PBK: variants seen among roughly 807,000 people sequenced by gnomAD.
PBK encodes the protein lymphokine-activated killer T-cell-originated protein kinase.
In PBK, 22 loss-of-function variants were observed where a neutral mutation model predicts 33.5. That is an observed-to-expected ratio of 0.66 (90% CI 0.47 to 0.94). PBK has a LOEUF of 0.94. PBK is among the 40% of genes least tolerant of loss of function. The pLI, the probability that PBK is intolerant of heterozygous loss-of-function variation, is 0.00. For synonymous variants in PBK, 129 were observed against 123.8 expected, an observed-to-expected ratio of 1.04 and a Z score of -0.28; for missense variants, 376 against 383.4, an observed-to-expected ratio of 0.98 and a Z score of 0.16.
intron 1 of PBK, among the ~76,000 whole-genome samples, chr8:27,833,501 C>G (rs1235843117): frequency 1.4e-5 from 2 of 146,648 alleles, no homozygotes; most frequent in Non-Finnish European, 3.0e-5. Flanking sequence ...AAGAGCAAAA[C>G]TCCGTCTCAA....
chr8:27,815,835 G>A (rs1400076395), intron 6 of PBK, among the ~76,000 whole-genome samples: 2 of 152,118 alleles, frequency 1.3e-5, no homozygotes, highest in Admixed American at 6.5e-5. Flanking sequence ...AATGGATTGG[G>A]CCCCCTGCCA....
Position 27,822,348 on chromosome 8 carries a change from C to A in PBK, c.436G>T (p.Val146Phe), listed in dbSNP as rs766921897. Reference sequence around the variant, plus strand: ...AACCCTCTTGCCATATTCAAAGCAACTTTTAAAATTATGGCTGCTGGAAAA... The same window carrying A: ...AACCCTCTTGCCATATTCAAAGCAAATTTTAAAATTATGGCTGCTGGAAAA... ...DPFPAAIILK[V>F]ALNMARGLKY... Residue 146 changes from valine (V) to phenylalanine (F), a missense_variant, in exon 5 of 8, where the codon GTT (valine) becomes TTT (phenylalanine). Val to Phe is a conservative substitution (Grantham distance 50, BLOSUM62 -1). Coordinates refer to ENST00000301905, the MANE Select transcript of PBK (RefSeq NM_018492.4). 1.2e-6 allele frequency: 2 copies of A among 1,612,704 alleles called. No homozygotes were observed. The highest frequency in any genetic ancestry group is 1.7e-6 in the Non-Finnish European group (2 of 1,179,500).
rs1805943824 is a variant in PBK at position 27,822,325 on chromosome 8, C to T, written c.459G>A (p.Gly153=). 5 of 1,602,948 alleles carry T rather than the reference C, an allele frequency of 3.1e-6. No homozygotes were observed. The highest frequency in any genetic ancestry group is 2.2e-5 in the East Asian group (1 of 44,750). The change falls in exon 5 of 8, where the codon GGG becomes GGA. Residue 153 remains glycine (G), a synonymous_variant. Transcript: ENST00000301905. ...ILKVALNMAR[G]LKYLHQEKKL... is the part of the protein sequence containing the mutation. Reference sequence around the variant, plus strand: ...AATATAATGACATAGTTACCTTTAACCCTCTTGCCATATTCAAAGCAACTT... The same window carrying T: ...AATATAATGACATAGTTACCTTTAATCCTCTTGCCATATTCAAAGCAACTT...
intron 6 of PBK, among the ~76,000 whole-genome samples, chr8:27,816,722 A>C (rs1805822520): frequency 6.6e-6 from 1 of 152,034 alleles, no homozygotes; most frequent in Non-Finnish European, 1.5e-5. Flanking sequence ...TACCTGTTTA[A>C]AAAAAATTTT....
intron 5 of PBK, 37 bp downstream of exon 5, chr8:27,822,282 A>G: frequency 7.1e-7 from 1 of 1,411,710 alleles, no homozygotes; most frequent in Non-Finnish European, 9.8e-7. Flanking sequence ...AATATGAACA[A>G]AAACAGAAGT....
rs554489237 is a variant in PBK at position 27,835,098 on chromosome 8, A to G, written c.-20-1965T>C. On this transcript the variant is annotated intron_variant, in intron 1 of 7. Coordinates refer to ENST00000301905, the MANE Select transcript of PBK (RefSeq NM_018492.4). ...TACATGTCTATAAGCTCATTTGTCT[A>G]TAAAAAGTTGGGAGGCAGACAGATT... Among the ~76,000 whole-genome samples, 9 of 152,332 alleles carry G rather than the reference A, an allele frequency of 5.9e-5. No individual in the cohort carries two copies. In the East Asian group the frequency reaches 1.5e-3, roughly 26 times the overall value.
At chr8:27,827,494 C>T (rs749482377) in intron 3 of PBK, among the ~76,000 whole-genome samples, 2 of 152,122 alleles carry the variant, frequency 1.3e-5, no homozygotes, top group African/African-American at 4.8e-5. Context: ...CACTGCACTC[C>T]AGCCTGGTCA....
chr8:27,828,825 C>A (rs1449644893), intron 2 of PBK, among the ~76,000 whole-genome samples: 1 of 148,836 alleles, frequency 6.7e-6, no homozygotes, highest in Non-Finnish European at 1.5e-5. Flanking sequence ...TACTCCTGGA[C>A]AATTAACTGC....
At chr8:27,830,384 CAGA>C (rs1388591284) in intron 2 of PBK, among the ~76,000 whole-genome samples, 1 of 151,448 alleles carries the variant, frequency 6.6e-6, no homozygotes, top group Non-Finnish European at 1.5e-5. Context: ...CATCTTAGAG[CAGA>C]AGAATAACTA....
chr8:27,833,240 C>T, intron 1 of PBK, 107 bp from the exon 2 acceptor site: 1 of 561,894 alleles, frequency 1.8e-6, no homozygotes, highest in African/African-American at 1.9e-5. Context: ...GCCTGTAATC[C>T]CAGCACTTTG....
chr8:27,826,737 A>G (rs1806031305), intron 3 of PBK, among the ~76,000 whole-genome samples: 1 of 106,970 alleles, frequency 9.3e-6, no homozygotes, highest in Admixed American at 9.0e-5. Context: ...CGGAGCTTGC[A>G]GTGAGCCGAG....
intron 5 of PBK, among the ~76,000 whole-genome samples, chr8:27,820,973 A>G (rs913099331): frequency 4.0e-5 from 6 of 151,162 alleles, no homozygotes; most frequent in African/African-American, 1.5e-4. Flanking sequence ...ACAGGCGGGC[A>G]CCACCACACC....
intron 1 of PBK, among the ~76,000 whole-genome samples, chr8:27,835,924 CAA>C (rs1806219396): frequency 1.0e-3 from 1 of 980 alleles, no homozygotes; most frequent in Non-Finnish European, 2.9e-3. Flanking sequence ...TGAGCACATA[CAA>C]TGTGCTCTAA....
intron 6 of PBK, among the ~76,000 whole-genome samples, chr8:27,814,174 A>G (rs577400129): frequency 1.8e-4 from 27 of 152,254 alleles, no homozygotes; most frequent in African/African-American, 6.0e-4. Flanking sequence ...CAACAGTAAA[A>G]CATCTGGGTC....
intron 2 of PBK, among the ~76,000 whole-genome samples, chr8:27,831,456 A>T (rs1806127844): frequency 7.4e-6 from 1 of 134,398 alleles, no homozygotes; most frequent in Non-Finnish European, 1.6e-5. Context: ...GGTGGGGGGA[A>T]GCAGACAAAT....
intron 1 of PBK, among the ~76,000 whole-genome samples, chr8:27,835,599 T>A (rs1289283513): frequency 6.6e-6 from 1 of 151,888 alleles, no homozygotes; most frequent in African/African-American, 2.4e-5. Context: ...TTGCCCAGGC[T>A]GGGGTGCAAT....
chr8:27,822,345 C>T lies in PBK; in HGVS notation c.439G>A (p.Ala147Thr). 2 of 1,612,356 alleles carry T rather than the reference C, an allele frequency of 1.2e-6. No individual in the cohort carries two copies. The highest frequency in any genetic ancestry group is 2.2e-5 in the South Asian group (2 of 90,596). The change falls in exon 5 of 8, where the codon GCT becomes ACT. Residue 147 changes from alanine to threonine, a missense_variant. Coordinates refer to ENST00000301905, the MANE Select transcript of PBK (RefSeq NM_018492.4). ...TTTAACCCTCTTGCCATATTCAAAG[C>T]AACTTTTAAAATTATGGCTGCTGGA... ...PFPAAIILKV[A>T]LNMARGLKYL...
At chr8:27,816,661 C>T (rs2128962332) in intron 6 of PBK, among the ~76,000 whole-genome samples, 1 of 152,000 alleles carries the variant, frequency 6.6e-6, no homozygotes, top group African/African-American at 2.4e-5. Flanking sequence ...CAGGTGTCAG[C>T]CACTGCGCCC....
intron 6 of PBK, among the ~76,000 whole-genome samples, chr8:27,815,026 T>C (rs1208022801): frequency 6.6e-6 from 1 of 152,100 alleles, no homozygotes; most frequent in East Asian, 1.9e-4. Context: ...TCCTCACAAA[T>C]AAGGTTAGAG....
Sources: allele counts gnomAD v4.1 joint callset (sites outside exome capture counted in the v4.1 genomes callset), GRCh38; gene constraint gnomAD v4.1.1; transcripts MANE v1.5; gene names NCBI Gene and HGNC (gene_info 2026-07-23, HGNC 2026-07-21).